The following ZNF98 variants were observed in gnomAD, a reference collection of about 807,000 sequenced individuals.
ZNF98 encodes zinc finger protein 98, also known as zinc finger protein 739.
A neutral mutation model predicts 12.8 loss-of-function variants in ZNF98; 8 were observed. That is an observed-to-expected ratio of 0.63 (90% CI 0.37 to 1.13). The LOEUF is 1.13. ZNF98 is among the 50% of genes most tolerant of loss of function. The pLI is 0.01. For synonymous variants in ZNF98, 112 were observed against 223.5 expected, an observed-to-expected ratio of 0.50 and a Z score of 4.45; for missense variants, 379 against 666.1, an observed-to-expected ratio of 0.57 and a Z score of 4.74.
intron 1 of ZNF98, among the ~76,000 whole-genome samples, chr19:22,415,503 T>C (rs1370682009): frequency 6.6e-6 from 1 of 151,992 alleles, no homozygotes; most frequent in East Asian, 1.9e-4. Context: ...CTGGCCATGA[T>C]GGCTCACACC....
intron 1 of ZNF98, among the ~76,000 whole-genome samples, chr19:22,416,667 G>A (rs1404917723): frequency 6.6e-6 from 1 of 151,938 alleles, no homozygotes. Context: ...CAGAAGAATC[G>A]CTTGAACCCA....
intron 1 of ZNF98, among the ~76,000 whole-genome samples, chr19:22,406,911 G>A (rs1402257063): frequency 6.6e-6 from 1 of 152,180 alleles, no homozygotes; most frequent in Non-Finnish European, 1.5e-5. Context: ...CAAGGGTGCA[G>A]AACTGGATGG....
At chr19:22,395,096 G>A (rs140321572) in intron 3 of ZNF98, among the ~76,000 whole-genome samples, 2,874 of 151,158 alleles carry the variant, frequency 0.019, 90 homozygotes, top group African/African-American at 0.065. Flanking sequence ...CACTTGAACC[G>A]GAGAAGTGGA....
At chr19:22,403,282 A>C (rs113181884) in intron 2 of ZNF98, 104 bp downstream of exon 2, 414,890 of 1,212,564 alleles carry the variant, frequency 0.34, 65,169 homozygotes, top group Non-Finnish European at 0.37. Context: ...AAAAAAAAAA[A>C]ACAGAGATCT....
intron 1 of ZNF98, among the ~76,000 whole-genome samples, chr19:22,412,510 T>C (rs1969590934): frequency 6.6e-6 from 1 of 151,936 alleles, no homozygotes; most frequent in Non-Finnish European, 1.5e-5. Context: ...AGTAAAAGGC[T>C]GAGAGAAGCA....
rs527757850 is a variant in ZNF98 at position 22,422,300 on chromosome 19, G to A, written c.-76C>T. On this transcript the variant is annotated 5_prime_UTR_variant, in exon 1 of 4. Coordinates refer to ENST00000357774, the MANE Select transcript of ZNF98 (RefSeq NM_001098626.2). ...GCCTCTACGAGCAGAGGACACAGAA[G>A]GGCGAAGACGAGACCAGGAACTCCG... 21 of 1,573,474 alleles carry A rather than the reference G, an allele frequency of 1.3e-5. No homozygotes were observed. The highest frequency in any genetic ancestry group is 1.6e-5 in the Non-Finnish European group (18 of 1,145,896).
chr19:22,410,737 T>G (rs1189994106), intron 1 of ZNF98, among the ~76,000 whole-genome samples: 1 of 152,152 alleles, frequency 6.6e-6, no homozygotes, highest in African/African-American at 2.4e-5. Context: ...ATAAATCACT[T>G]GGTAATGTTG....
At chr19:22,412,308 T>G (rs778921585) in intron 1 of ZNF98, among the ~76,000 whole-genome samples, 8 of 152,188 alleles carry the variant, frequency 5.3e-5, no homozygotes, top group Non-Finnish European at 8.8e-5. Flanking sequence ...TTAAACAACC[T>G]GCACTTGAAT....
At chr19:22,405,510 C>G (rs1969509758) in intron 1 of ZNF98, among the ~76,000 whole-genome samples, 1 of 152,092 alleles carries the variant, frequency 6.6e-6, no homozygotes, top group South Asian at 2.1e-4. Context: ...GCCCCCACCC[C>G]CCAGCCAAGA....
chr19:22,395,875 GGA>G (rs1491197829), intron 3 of ZNF98, among the ~76,000 whole-genome samples: 5 of 110,842 alleles, frequency 4.5e-5, no homozygotes, highest in Admixed American at 8.4e-5. Flanking sequence ...CTGAGGGGGG[GGA>G]AAAAAAAAAG....
At chr19:22,410,233 A>G (rs1969566135) in intron 1 of ZNF98, among the ~76,000 whole-genome samples, 1 of 152,236 alleles carries the variant, frequency 6.6e-6, no homozygotes, top group African/African-American at 2.4e-5. Context: ...CATTTGACCC[A>G]GCAATCCCAT....
At chr19:22,400,686 G>A (rs1364267382) in intron 3 of ZNF98, among the ~76,000 whole-genome samples, 1 of 152,116 alleles carries the variant, frequency 6.6e-6, no homozygotes, top group Non-Finnish European at 1.5e-5. Context: ...CAGGCGCGGT[G>A]GCTCACGCCT....
At chr19:22,409,068 C>T (rs1969552757) in intron 1 of ZNF98, among the ~76,000 whole-genome samples, 1 of 152,174 alleles carries the variant, frequency 6.6e-6, no homozygotes, top group South Asian at 2.1e-4. Context: ...ACCAAAACAA[C>T]ATGGTACTGG....
intron 1 of ZNF98, among the ~76,000 whole-genome samples, chr19:22,416,840 C>G (rs558123163): frequency 2.0e-5 from 3 of 152,278 alleles, no homozygotes; most frequent in Admixed American, 6.5e-5. Context: ...CACACACACA[C>G]AGATCATGTC....
chr19:22,393,270 A>C (rs1969353796), intron 3 of ZNF98, among the ~76,000 whole-genome samples: 1 of 152,208 alleles, frequency 6.6e-6, no homozygotes, highest in African/African-American at 2.4e-5. Context: ...CTGCTTCCCT[A>C]TATAACATAG....
At chr19:22,417,258 TTAAG>T (rs1451741684) in intron 1 of ZNF98, among the ~76,000 whole-genome samples, 3 of 90,174 alleles carry the variant, frequency 3.3e-5, no homozygotes, top group African/African-American at 1.4e-4. Context: ...AAAAAAAAAA[TTAAG>T]TAAGAGCTGA....
chr19:22,416,761 A>G (rs879809008), intron 1 of ZNF98, among the ~76,000 whole-genome samples: 4 of 152,134 alleles, frequency 2.6e-5, no homozygotes, highest in Non-Finnish European at 5.9e-5. Flanking sequence ...TCAAATAAAT[A>G]AAATATGGTA....
intron 1 of ZNF98, among the ~76,000 whole-genome samples, chr19:22,406,350 G>A (rs1175672833): frequency 1.3e-5 from 2 of 151,928 alleles, no homozygotes. Context: ...AGGGCCTGAA[G>A]TGAACCCCCA....
intron 2 of ZNF98, 21 bp from the exon 3 acceptor site, chr19:22,402,905 T>C (rs774595351): frequency 5.1e-6 from 8 of 1,554,218 alleles, no homozygotes; most frequent in Non-Finnish European, 6.9e-6. Context: ...ACAAATAACA[T>C]GAATCTTGCT....
Sources: allele counts gnomAD v4.1 joint callset (sites outside exome capture counted in the v4.1 genomes callset), GRCh38; gene constraint gnomAD v4.1.1; transcripts MANE v1.5; gene names NCBI Gene and HGNC (gene_info 2026-07-23, HGNC 2026-07-21).